SLC38A12: variants seen among roughly 807,000 people sequenced by gnomAD.
SLC38A12 encodes the protein solute carrier family 38 member 12.
the SLC38A12 span, chr17:74,837,850 T>G: frequency 1.0e-6 from 1 of 985,706 alleles, no homozygotes; most frequent in Admixed American, 6.2e-5. Context: ...GACCTGGGGG[T>G]CCCCCTGACC....
At chr17:74,838,654 G>A in the SLC38A12 span, 1 of 1,395,896 alleles carries the variant, frequency 7.2e-7, no homozygotes, top group Non-Finnish European at 9.3e-7. Flanking sequence ...TTGTCTAGCT[G>A]CTTTGCTCCT....
At chr17:74,835,299 G>A in the SLC38A12 span, among the ~76,000 whole-genome samples, 4 of 152,178 alleles carry the variant, frequency 2.6e-5, no homozygotes, top group East Asian at 1.9e-4. Context: ...CTGCCCTGGC[G>A]TGACCACTGG....
At chr17:74,795,563 C>T in the SLC38A12 span, 6 of 1,613,988 alleles carry the variant, frequency 3.7e-6, no homozygotes, top group South Asian at 5.5e-5. Flanking sequence ...TGGAAGCAGA[C>T]ACCAAATACA....
chr17:74,825,493 A>G, the SLC38A12 span, among the ~76,000 whole-genome samples: 1 of 152,248 alleles, frequency 6.6e-6, no homozygotes, highest in Non-Finnish European at 1.5e-5. Flanking sequence ...ACAGCCAGCC[A>G]TGTGCCGCCA....
At chr17:74,786,081 C>A in the SLC38A12 span, among the ~76,000 whole-genome samples, 2 of 152,214 alleles carry the variant, frequency 1.3e-5, no homozygotes, top group African/African-American at 2.4e-5. Flanking sequence ...CCTGGGTGCA[C>A]GATCAAGTGT....
the SLC38A12 span, among the ~76,000 whole-genome samples, chr17:74,802,408 C>A: frequency 5.3e-5 from 8 of 152,178 alleles, no homozygotes; most frequent in African/African-American, 1.9e-4. Context: ...GGCTTCTTCT[C>A]CCTACCACTC....
the SLC38A12 span, chr17:74,835,860 C>CA: frequency 2.0e-6 from 3 of 1,522,828 alleles, no homozygotes; most frequent in Non-Finnish European, 8.8e-7. Context: ...AGGCGCCCCC[C>CA]AGACCAGAAA....
At chr17:74,795,504 G>C in the SLC38A12 span, 7 of 1,611,260 alleles carry the variant, frequency 4.3e-6, no homozygotes, top group East Asian at 8.9e-5. Flanking sequence ...GCCTGGGCCT[G>C]CTGTCATTCT....
At chr17:74,814,835 G>A in the SLC38A12 span, among the ~76,000 whole-genome samples, 1 of 152,180 alleles carries the variant, frequency 6.6e-6, no homozygotes, top group African/African-American at 2.4e-5. Flanking sequence ...CCCTCAAGGG[G>A]GTTACACTCT....
chr17:74,784,224 T>A, the SLC38A12 span, among the ~76,000 whole-genome samples: 4 of 152,194 alleles, frequency 2.6e-5, no homozygotes, highest in Non-Finnish European at 4.4e-5. Context: ...TTGTCTTTTT[T>A]AATGATCAGA....
the SLC38A12 span, among the ~76,000 whole-genome samples, chr17:74,832,357 C>T: frequency 3.9e-5 from 6 of 152,346 alleles, no homozygotes; most frequent in East Asian, 1.9e-4. Flanking sequence ...TCCCAGCACC[C>T]GCCTTCATAT....
At chr17:74,804,875 G>A in the SLC38A12 span, among the ~76,000 whole-genome samples, 1 of 152,362 alleles carries the variant, frequency 6.6e-6, no homozygotes, top group East Asian at 1.9e-4. Context: ...TCACCTGAGA[G>A]GCAGGTGAAC....
chr17:74,810,126 T>G, the SLC38A12 span, among the ~76,000 whole-genome samples: 1 of 152,228 alleles, frequency 6.6e-6, no homozygotes, highest in South Asian at 2.1e-4. Flanking sequence ...TGAGAAGAGC[T>G]GTAGATCTTC....
chr17:74,839,007 C>T, the SLC38A12 span: 1 of 1,535,746 alleles, frequency 6.5e-7, no homozygotes, highest in Non-Finnish European at 8.7e-7. Context: ...ACATCTGCCA[C>T]CTGCATGGCC....
the SLC38A12 span, among the ~76,000 whole-genome samples, chr17:74,788,450 C>G: frequency 1.3e-5 from 2 of 152,194 alleles, no homozygotes; most frequent in Non-Finnish European, 2.9e-5. Flanking sequence ...CTGAGAGCGT[C>G]CTCTGATGTC....
the SLC38A12 span, chr17:74,839,052 G>A: frequency 2.0e-6 from 3 of 1,535,530 alleles, no homozygotes; most frequent in African/African-American, 1.4e-5. Context: ...GTCAAGGTGG[G>A]AGTAAACTTT....
At chr17:74,787,206 G>A in the SLC38A12 span, among the ~76,000 whole-genome samples, 1 of 152,142 alleles carries the variant, frequency 6.6e-6, no homozygotes, top group Non-Finnish European at 1.5e-5. Flanking sequence ...CTGGTGTGGG[G>A]CCAAGTGACC....
the SLC38A12 span, chr17:74,835,884 C>T: frequency 6.5e-5 from 101 of 1,557,050 alleles, no homozygotes; most frequent in Middle Eastern, 1.8e-4. Flanking sequence ...AAGGTAGGGC[C>T]GTGCCTGTCC....
chr17:74,789,155 C>G, the SLC38A12 span, among the ~76,000 whole-genome samples: 19 of 152,222 alleles, frequency 1.2e-4, no homozygotes, highest in African/African-American at 4.6e-4. Flanking sequence ...GTCACTTCTT[C>G]CCGAGTGCGT....
Sources: gnomAD v4.1 joint callset for allele counts (sites outside exome capture counted in the v4.1 genomes callset) on GRCh38, gnomAD v4.1.1 for gene constraint, MANE v1.5 for transcripts, NCBI Gene and HGNC (gene_info 2026-07-23, HGNC 2026-07-21) for gene names.